Variants in RIMKLB observed in about 807,000 individuals in gnomAD.
RIMKLB encodes the protein beta-citrylglutamate synthase B.
RIMKLB carries 7 observed loss-of-function variants against 32.0 expected under a neutral mutation model. The ratio of observed to expected loss-of-function variants is 0.22; its 90% CI spans 0.12 to 0.41. RIMKLB has a LOEUF of 0.41. Ranked by LOEUF, RIMKLB falls within the 10% of genes least tolerant of loss-of-function variation. The pLI is 1.00. For missense variants in RIMKLB, 289 were observed against 498.7 expected (o/e 0.58, Z 4.00); for synonymous variants, 172 against 185.1 (o/e 0.93, Z 0.57).
chr12:8,724,895 TCTC>T (rs1472765640), intron 2 of RIMKLB, among the ~76,000 whole-genome samples: 1 of 152,180 alleles, frequency 6.6e-6, no homozygotes. Flanking sequence ...CTTGCTTCAT[TCTC>T]CTGCTTAGGG....
intron 1 of RIMKLB, among the ~76,000 whole-genome samples, chr12:8,707,119 T>C (rs767084684): frequency 1.4e-4 from 21 of 152,200 alleles, no homozygotes; most frequent in Non-Finnish European, 2.6e-4. Flanking sequence ...GATCCACTGA[T>C]GGAGATTTCT....
At chr12:8,748,519 C>CGTGTGTGTGTGTGTGTGTGTGTGTGT (rs58187682) in intron 2 of RIMKLB, among the ~76,000 whole-genome samples, 3 of 131,278 alleles carry the variant, frequency 2.3e-5, no homozygotes, top group African/African-American at 8.9e-5. Context: ...TGGGATTATT[C>CGTGTGTGTGTGTGTGTGTGTGTGTGT]GTGTGTGTGT....
chr12:8,670,725 T>G, the RIMKLB span, among the ~76,000 whole-genome samples: 1 of 152,238 alleles, frequency 6.6e-6, no homozygotes, highest in African/African-American at 2.4e-5. Context: ...AGGCAGTGCC[T>G]CAGGAAGGAC....
In RIMKLB at chr12:8,713,816, C is replaced by T. The variant is rs1171220974; in HGVS notation, c.-51C>T. The T allele has an allele frequency of 7.6e-6, 12 of 1,572,180 alleles. No homozygotes were observed. Among genetic ancestry groups the T allele is most frequent in the South Asian group, 1.1e-5 (1 of 90,154 alleles). The stretch of plus-strand genomic sequence containing the variant: ...ATATTTTTTCTTCCATCTAGGTAGA[C>T]GTTACATCCAAGAGGAAATAATCCA... On this transcript the variant is annotated 5_prime_UTR_variant, in exon 2 of 6. It adds an upstream start codon to the 5' untranslated region. Transcript: ENST00000535829.
At chr12:8,669,367 A>C in the RIMKLB span, among the ~76,000 whole-genome samples, 5 of 152,274 alleles carry the variant, frequency 3.3e-5, no homozygotes, top group South Asian at 1.0e-3. Flanking sequence ...GCCTACCTCT[A>C]ACATTGGGGG....
At chr12:8,699,434 G>A (rs1472044678) in intron 1 of RIMKLB, among the ~76,000 whole-genome samples, 1 of 152,080 alleles carries the variant, frequency 6.6e-6, no homozygotes, top group African/African-American at 2.4e-5. Flanking sequence ...AAGCAATTAT[G>A]AGAATACTTT....
intron 1 of RIMKLB, among the ~76,000 whole-genome samples, chr12:8,687,328 G>A (rs1942606773): frequency 6.6e-6 from 1 of 152,112 alleles, no homozygotes; most frequent in Non-Finnish European, 1.5e-5. Context: ...TGATGATTTT[G>A]TCTTTTTAGG....
At chr12:8,771,138 A>G (rs1950364538) in intron 5 of RIMKLB, among the ~76,000 whole-genome samples, 1 of 152,194 alleles carries the variant, frequency 6.6e-6, no homozygotes, top group East Asian at 1.9e-4. Context: ...TTGGATAGAC[A>G]TAATTGATAA....
intron 3 of RIMKLB, among the ~76,000 whole-genome samples, chr12:8,750,657 A>G (rs1565614283): frequency 1.3e-5 from 2 of 152,052 alleles, no homozygotes; most frequent in Non-Finnish European, 2.9e-5. Context: ...TCTGTGGTAG[A>G]TTAATACTCA....
downstream of RIMKLB, among the ~76,000 whole-genome samples, chr12:8,778,126 A>G (rs1225003769): frequency 6.6e-6 from 1 of 152,080 alleles, no homozygotes; most frequent in Non-Finnish European, 1.5e-5. Context: ...TGTTTCTTCC[A>G]TTGTGCTACT....
At chr12:8,767,969 CA>C (rs1372560382) in intron 5 of RIMKLB, among the ~76,000 whole-genome samples, 3 of 152,228 alleles carry the variant, frequency 2.0e-5, no homozygotes, top group African/African-American at 7.2e-5. Context: ...AAAATGTTAC[CA>C]GGGGGTCCTT....
chr12:8,681,529 G>A (rs1395060904), upstream of RIMKLB: 1 of 152,162 alleles, frequency 6.6e-6, no homozygotes, highest in Non-Finnish European at 1.5e-5. Context: ...GTAAGGTGTG[G>A]CTCCTATTCC....
At chr12:8,773,274 C>A in intron 5 of RIMKLB, 47 bp from the exon 6 acceptor site, 3 of 1,388,188 alleles carry the variant, frequency 2.2e-6, no homozygotes, top group South Asian at 1.2e-5. Context: ...AATTTTATTT[C>A]AAAAGTTTAT....
At chr12:8,781,824 A>C (rs1951074414), downstream of RIMKLB, among the ~76,000 whole-genome samples, 1 of 152,190 alleles carries the variant, frequency 6.6e-6, no homozygotes, top group Non-Finnish European at 1.5e-5. Flanking sequence ...AGTTCTCTAG[A>C]ATTAAAGAAT....
At chr12:8,725,781 T>C (rs767182115) in intron 2 of RIMKLB, among the ~76,000 whole-genome samples, 23 of 152,326 alleles carry the variant, frequency 1.5e-4, no homozygotes, top group South Asian at 1.4e-3. Flanking sequence ...TCCTGGACCA[T>C]ATGGTAAGAG....
chr12:8,746,041 G>C (rs1277674747), intron 2 of RIMKLB, among the ~76,000 whole-genome samples: 1 of 151,740 alleles, frequency 6.6e-6, no homozygotes, highest in Non-Finnish European at 1.5e-5. Flanking sequence ...CACTCCACCA[G>C]TATGACTGTA....
chr12:8,742,516 C>T lies in RIMKLB; in HGVS notation c.176-7346C>T, dbSNP rs1003971002. On this transcript the variant is annotated intron_variant, in intron 2 of 5. Transcript: ENST00000535829. Reference sequence around the variant, plus strand: ...GCAGCAGGAACCCACTTAGGGGGCACCACCCTTCACTTTCAGATGGAATAT... The same window carrying T: ...GCAGCAGGAACCCACTTAGGGGGCATCACCCTTCACTTTCAGATGGAATAT... 1.5e-5 allele frequency: 6 copies of T among 400,336 alleles called. No homozygotes were observed. In the East Asian group the frequency reaches 4.5e-4, roughly 30 times the overall value. The allele number at this position is 400,336 out of a possible 1,614,324, so 24.8% of individuals were successfully genotyped here. A position where few individuals can be genotyped will look rare whatever the true frequency, so the allele number is the denominator to read the frequency against.
At chr12:8,745,726 ACT>A (rs1281345927) in intron 2 of RIMKLB, among the ~76,000 whole-genome samples, 1 of 127,860 alleles carries the variant, frequency 7.8e-6, no homozygotes, top group Non-Finnish European at 1.6e-5. Context: ...ACAGAAGTTC[ACT>A]CTGTCGCCGA....
At chr12:8,734,009 A>C (rs1004648947) in intron 2 of RIMKLB, among the ~76,000 whole-genome samples, 1 of 152,206 alleles carries the variant, frequency 6.6e-6, no homozygotes, top group African/African-American at 2.4e-5. Context: ...TCCTCACCCC[A>C]TCAAGTGCTT....
Sources: gnomAD v4.1 joint callset for allele counts (sites outside exome capture counted in the v4.1 genomes callset) on GRCh38, gnomAD v4.1.1 for gene constraint, MANE v1.5 for transcripts, NCBI Gene and HGNC (gene_info 2026-07-23, HGNC 2026-07-21) for gene names.